CERK: variants seen among roughly 807,000 people sequenced by gnomAD.
The protein encoded by CERK is ceramide kinase.
In CERK, 39 loss-of-function variants were observed where a neutral mutation model predicts 63.4. The observed-to-expected ratio is 0.61, with a 90% confidence interval of 0.48 to 0.80. CERK has a LOEUF of 0.80. CERK is among the 30% of genes least tolerant of loss of function. The pLI, the probability that CERK is intolerant of heterozygous loss-of-function variation, is 0.00. For missense variants in CERK, 670 were observed against 714.1 expected (o/e 0.94, Z 0.70); for synonymous variants, 302 against 280.0 (o/e 1.08, Z -0.78).
chr22:46,693,134 G>A lies in CERK; in HGVS notation c.1126+293C>T, dbSNP rs79156019. Reference sequence around the variant, plus strand: ...CAAGCAAGCCCTCAATGGGACATCTGCTGCCCCCACATTCTAGAGCACCTG... The same window carrying A: ...CAAGCAAGCCCTCAATGGGACATCTACTGCCCCCACATTCTAGAGCACCTG... On this transcript the variant is annotated intron_variant, in intron 10 of 12. Transcript: ENST00000216264. 1.7e-3 allele frequency among the ~76,000 whole-genome samples: 260 copies of A among 152,216 alleles called. 2 individuals carry two copies. The highest frequency in any genetic ancestry group is 5.9e-3 in the African/African-American group (245 of 41,526).
chr22:46,732,439 G>C (rs1481867604), intron 1 of CERK, among the ~76,000 whole-genome samples: 2 of 152,006 alleles, frequency 1.3e-5, no homozygotes, highest in East Asian at 1.9e-4. Flanking sequence ...AAATTGGGTG[G>C]GGGGGACGGG....
intron 1 of CERK, among the ~76,000 whole-genome samples, chr22:46,726,277 A>G (rs927417556): frequency 2.6e-5 from 4 of 152,244 alleles, no homozygotes; most frequent in Non-Finnish European, 4.4e-5. Context: ...AGGGGAGCAC[A>G]GCGGTCCCTG....
intron 1 of CERK, among the ~76,000 whole-genome samples, chr22:46,725,204 T>C (rs1367525635): frequency 6.6e-6 from 1 of 151,836 alleles, no homozygotes; most frequent in Non-Finnish European, 1.5e-5. Context: ...TCATCGGCAT[T>C]ACGCCCTAGT....
At chr22:46,727,288 T>A (rs1275464488) in intron 1 of CERK, among the ~76,000 whole-genome samples, 1 of 145,612 alleles carries the variant, frequency 6.9e-6, no homozygotes, top group Non-Finnish European at 1.5e-5. Flanking sequence ...TCTCCTCTTC[T>A]TTTTTTTTTT....
intron 1 of CERK, among the ~76,000 whole-genome samples, chr22:46,721,631 T>A (rs544898064): frequency 6.6e-6 from 1 of 152,012 alleles, no homozygotes; most frequent in South Asian, 2.1e-4. Flanking sequence ...CATGTGAAAT[T>A]TGGGGAAACA....
At chr22:46,732,675 G>A (rs1449179309) in intron 1 of CERK, among the ~76,000 whole-genome samples, 1 of 150,922 alleles carries the variant, frequency 6.6e-6, no homozygotes, top group Non-Finnish European at 1.5e-5. Flanking sequence ...CACCGGGTCT[G>A]CCAGCCCAGA....
At chr22:46,713,508 C>CAAAAAAAAAAAAAA (rs34168827) in intron 3 of CERK, among the ~76,000 whole-genome samples, 1 of 74,306 alleles carries the variant, frequency 1.3e-5, no homozygotes, top group Non-Finnish European at 2.6e-5. Context: ...GACTTCATCT[C>CAAAAAAAAAAAAAA]AAAAAAAAAA....
chr22:46,702,420 G>T (rs567294394), intron 6 of CERK, among the ~76,000 whole-genome samples: 118 of 152,060 alleles, frequency 7.8e-4, no homozygotes, highest in African/African-American at 2.7e-3. Flanking sequence ...GCCTCCCGAG[G>T]AGCTGGGATT....
chr22:46,730,379 C>G (rs1208061247), intron 1 of CERK, among the ~76,000 whole-genome samples: 2 of 151,970 alleles, frequency 1.3e-5, no homozygotes, highest in African/African-American at 2.4e-5. Context: ...CGAGATCACA[C>G]CATTACACTC....
At chr22:46,720,703 T>A (rs951595408) in intron 2 of CERK, among the ~76,000 whole-genome samples, 199 bp downstream of exon 2, 2 of 151,190 alleles carry the variant, frequency 1.3e-5, no homozygotes, top group African/African-American at 4.9e-5. Flanking sequence ...CTCAAAAAAA[T>A]AAATAAATAA....
At chr22:46,737,308 AAAAAAC>A (rs2082979303) in intron 1 of CERK, among the ~76,000 whole-genome samples, 1 of 140,744 alleles carries the variant, frequency 7.1e-6, no homozygotes, top group African/African-American at 2.8e-5. Flanking sequence ...AAAAAAAAAC[AAAAAAC>A]AAACAAAAAA....
intron 6 of CERK, among the ~76,000 whole-genome samples, chr22:46,703,008 G>C (rs1403210368): frequency 6.6e-6 from 1 of 152,104 alleles, no homozygotes; most frequent in Non-Finnish European, 1.5e-5. Flanking sequence ...GCTCCAGGGG[G>C]GTTGCTCCCA....
intron 1 of CERK, among the ~76,000 whole-genome samples, chr22:46,724,836 G>A (rs59452986): frequency 0.012 from 1,892 of 152,182 alleles, 42 homozygotes; most frequent in African/African-American, 0.041. Context: ...TGGCTAACAT[G>A]GTGAAACCCC....
intron 6 of CERK, among the ~76,000 whole-genome samples, chr22:46,705,336 G>A (rs935376708): frequency 6.6e-6 from 1 of 152,228 alleles, no homozygotes; most frequent in Non-Finnish European, 1.5e-5. Flanking sequence ...GCCATAGGGA[G>A]ACAGTGCAAG....
At chr22:46,708,061 A>T in intron 5 of CERK, 73 bp from the exon 6 acceptor site, 1 of 1,482,082 alleles carries the variant, frequency 6.7e-7, no homozygotes, top group East Asian at 2.3e-5. Context: ...TGAGGCTTCC[A>T]GCTTCAGGAG....
intron 5 of CERK, among the ~76,000 whole-genome samples, chr22:46,709,017 G>A (rs972811732): frequency 3.3e-5 from 5 of 152,150 alleles, no homozygotes; most frequent in Non-Finnish European, 5.9e-5. Flanking sequence ...CCACCACTCA[G>A]GCCACCTGCT....
chr22:46,687,759 G>A (rs1299224230), intron 12 of CERK, among the ~76,000 whole-genome samples: 1 of 152,214 alleles, frequency 6.6e-6, no homozygotes, highest in Non-Finnish European at 1.5e-5. Context: ...GGTCCCTGGA[G>A]GTCCCCTGCC....
chr22:46,708,038 A>G, intron 5 of CERK, 50 bp from the exon 6 acceptor site: 1 of 1,552,242 alleles, frequency 6.4e-7, no homozygotes, highest in Non-Finnish European at 8.7e-7. Flanking sequence ...CGGCCCTCTG[A>G]GCGCAGCAGG....
chr22:46,702,162 A>C (rs971579493), intron 6 of CERK, among the ~76,000 whole-genome samples: 4 of 126,786 alleles, frequency 3.2e-5, no homozygotes, highest in African/African-American at 1.2e-4. Flanking sequence ...TGGGCAACAG[A>C]GTGAGACTTC....
Sources: allele counts gnomAD v4.1 joint callset (sites outside exome capture counted in the v4.1 genomes callset), GRCh38; gene constraint gnomAD v4.1.1; transcripts MANE v1.5; gene names NCBI Gene and HGNC (gene_info 2026-07-23, HGNC 2026-07-21).